FRMD4A: variants seen among roughly 807,000 people sequenced by gnomAD.
FRMD4A encodes FERM domain-containing protein 4A.
In FRMD4A, 29 loss-of-function variants were observed where a neutral mutation model predicts 129.1. That is an observed-to-expected ratio of 0.22 (90% CI 0.17 to 0.31). The LOEUF (loss-of-function observed/expected upper bound fraction) is 0.31. FRMD4A is among the 10% of genes least tolerant of loss of function. The pLI is 1.00. For missense variants in FRMD4A, 1,272 were observed against 1,375.8 expected (o/e 0.92, Z 1.19); for synonymous variants, 634 against 571.6 (o/e 1.11, Z -1.56).
chr10:13,765,849 T>C (rs2092269477), intron 6 of FRMD4A, among the ~76,000 whole-genome samples: 1 of 152,238 alleles, frequency 6.6e-6, no homozygotes, highest in African/African-American at 2.4e-5. Context: ...ACTCTGTGCG[T>C]TTCCATTCCC....
intron 2 of FRMD4A, among the ~76,000 whole-genome samples, chr10:13,885,164 C>T (rs904719336): frequency 5.3e-5 from 8 of 152,190 alleles, no homozygotes; most frequent in South Asian, 4.1e-4. Flanking sequence ...GCAGGAGGAT[C>T]GTTTGAGGCC....
intron 2 of FRMD4A, among the ~76,000 whole-genome samples, chr10:14,316,526 AG>A (rs1224727451): frequency 5.1e-4 from 50 of 98,546 alleles, no homozygotes; most frequent in South Asian, 2.1e-3. Flanking sequence ...AAAAAAAAAA[AG>A]AAGAAGAAGA....
chr10:13,890,042 A>C (rs2094676289), intron 2 of FRMD4A, among the ~76,000 whole-genome samples: 1 of 152,214 alleles, frequency 6.6e-6, no homozygotes, highest in Non-Finnish European at 1.5e-5. Context: ...AACAGAAGAC[A>C]GTGTACAAAC....
chr10:14,244,690 C>T (rs1018491436), intron 2 of FRMD4A, among the ~76,000 whole-genome samples: 1 of 152,146 alleles, frequency 6.6e-6, no homozygotes, highest in Non-Finnish European at 1.5e-5. Context: ...CTACAATGAA[C>T]CTGCAAGGAA....
chr10:14,305,397 T>C (rs1394507403), intron 2 of FRMD4A, among the ~76,000 whole-genome samples: 3 of 152,124 alleles, frequency 2.0e-5, no homozygotes, highest in Non-Finnish European at 2.9e-5. Flanking sequence ...ATCTAAGAAA[T>C]ATGGTTTGTA....
At chr10:14,221,584 A>G (rs78931208) in intron 2 of FRMD4A, among the ~76,000 whole-genome samples, 6,815 of 152,186 alleles carry the variant, frequency 0.045, 248 homozygotes, top group Non-Finnish European at 0.067. Context: ...GTACTTCTTA[A>G]TCTCTTGCTC....
Position 14,059,730 on chromosome 10 carries a change from G to A in FRMD4A, c.46-200818C>T, listed in dbSNP as rs563817604. 6.6e-5 allele frequency among the ~76,000 whole-genome samples: 10 copies of A among 152,322 alleles called. No homozygotes were observed. The East Asian group carries it at 1.9e-3, about 29-fold the overall frequency. On this transcript the variant is annotated intron_variant, in intron 2 of 24. Transcript: ENST00000357447. ...TGTTCAGTTGTTTGACTCAATAACGGAAGCTTCTCACGAGCATCTCAAAAT... is the reference window on the plus strand; with the variant it reads ...TGTTCAGTTGTTTGACTCAATAACGAAAGCTTCTCACGAGCATCTCAAAAT...
chr10:13,862,019 T>C (rs1564929451), intron 2 of FRMD4A, among the ~76,000 whole-genome samples: 1 of 152,154 alleles, frequency 6.6e-6, no homozygotes, highest in East Asian at 1.9e-4. Context: ...CAGTTCTCAT[T>C]GGAAAGAACC....
At chr10:13,836,443 A>C (rs1327781950) in intron 3 of FRMD4A, among the ~76,000 whole-genome samples, 1 of 152,168 alleles carries the variant, frequency 6.6e-6, no homozygotes, top group Non-Finnish European at 1.5e-5. Context: ...GGGAAGGAAA[A>C]AGAGGTGGTA....
chr10:14,110,410 G>A (rs74597003), intron 2 of FRMD4A, among the ~76,000 whole-genome samples: 8,601 of 152,172 alleles, frequency 0.057, 314 homozygotes, highest in Admixed American at 0.087. Context: ...GTGCTGACAC[G>A]GACATCCCTG....
At chr10:14,062,491 G>A (rs1338970911) in intron 2 of FRMD4A, among the ~76,000 whole-genome samples, 1 of 152,152 alleles carries the variant, frequency 6.6e-6, no homozygotes, top group Non-Finnish European at 1.5e-5. Context: ...TGAACTTCAA[G>A]CATGTTTATA....
At chr10:14,268,764 T>C (rs1408096946) in intron 2 of FRMD4A, among the ~76,000 whole-genome samples, 1 of 152,160 alleles carries the variant, frequency 6.6e-6, no homozygotes, top group Admixed American at 6.5e-5. Context: ...ATGTTCTTCC[T>C]GGGCTAAGCC....
chr10:14,060,323 G>C (rs893940556), intron 2 of FRMD4A, among the ~76,000 whole-genome samples: 8 of 152,188 alleles, frequency 5.3e-5, no homozygotes, highest in Non-Finnish European at 1.2e-4. Flanking sequence ...ACCAGCGGGA[G>C]GTTGGCTGGT....
intron 2 of FRMD4A, among the ~76,000 whole-genome samples, chr10:13,863,644 C>G (rs2094323538): frequency 6.6e-6 from 1 of 151,580 alleles, no homozygotes; most frequent in Non-Finnish European, 1.5e-5. Flanking sequence ...TGCACGTGGA[C>G]AGGGATTAAG....
At chr10:13,810,679 T>G in intron 4 of FRMD4A, 135 bp downstream of exon 4, 1 of 439,206 alleles carries the variant, frequency 2.3e-6, no homozygotes. Flanking sequence ...ATTCAGATGA[T>G]GAACTTGGAC....
chr10:14,092,767 T>C (rs1836731678), intron 2 of FRMD4A, among the ~76,000 whole-genome samples: 1 of 152,114 alleles, frequency 6.6e-6, no homozygotes, highest in Admixed American at 6.5e-5. Context: ...TGTCATCAAA[T>C]AGGTGGGTCT....
chr10:14,061,878 T>G (rs1016351571), intron 2 of FRMD4A, among the ~76,000 whole-genome samples: 2 of 152,214 alleles, frequency 1.3e-5, no homozygotes, highest in East Asian at 3.8e-4. Flanking sequence ...CATTACTGAG[T>G]TGCTGACTTA....
chr10:13,899,217 G>A (rs1589212780), intron 2 of FRMD4A, among the ~76,000 whole-genome samples: 1 of 151,912 alleles, frequency 6.6e-6, no homozygotes, highest in South Asian at 2.1e-4. Flanking sequence ...TGAAGACTAG[G>A]GGTTCAACAC....
At chr10:13,932,283 T>C (rs2131288675) in intron 2 of FRMD4A, among the ~76,000 whole-genome samples, 1 of 152,330 alleles carries the variant, frequency 6.6e-6, no homozygotes, top group East Asian at 1.9e-4. Flanking sequence ...AGTGCTTTAA[T>C]GTTAGCTAAC....
Sources: allele counts gnomAD v4.1 joint callset (sites outside exome capture counted in the v4.1 genomes callset), GRCh38; gene constraint gnomAD v4.1.1; transcripts MANE v1.5; gene names NCBI Gene and HGNC (gene_info 2026-07-23, HGNC 2026-07-21).